Variants in PREP observed in about 807,000 individuals in gnomAD.
PREP encodes the protein prolyl endopeptidase.
Under a neutral mutation model 87.6 loss-of-function variants are expected in PREP, and 29 were observed. The ratio of observed to expected loss-of-function variants is 0.33; its 90% CI spans 0.25 to 0.45. The LOEUF is 0.45. PREP is among the 20% of genes least tolerant of loss of function. PREP has a pLI of 1.00. For missense variants in PREP, 695 were observed against 886.5 expected (o/e 0.78, Z 2.74); for synonymous variants, 337 against 328.6 (o/e 1.03, Z -0.28).
chr6:105,325,390 A>G (rs989563477), intron 9 of PREP, among the ~76,000 whole-genome samples: 2 of 152,220 alleles, frequency 1.3e-5, no homozygotes, highest in South Asian at 4.1e-4. Context: ...GCACCAAAGT[A>G]CTAGAATGCA....
chr6:105,327,190 T>C (rs1377089054), intron 9 of PREP, among the ~76,000 whole-genome samples: 1 of 152,182 alleles, frequency 6.6e-6, no homozygotes, highest in African/African-American at 2.4e-5. Flanking sequence ...CAGTGTAAAT[T>C]TGAGGAAATT....
At chr6:105,372,009 A>T (rs189961750) in intron 5 of PREP, among the ~76,000 whole-genome samples, 50 of 152,348 alleles carry the variant, frequency 3.3e-4, no homozygotes, top group Middle Eastern at 3.4e-3. Flanking sequence ...TAACACAAGC[A>T]GCTAATTTCG....
At chr6:105,355,282 C>G (rs926549912) in intron 6 of PREP, among the ~76,000 whole-genome samples, 35 of 152,096 alleles carry the variant, frequency 2.3e-4, no homozygotes, top group Admixed American at 2.2e-3. Context: ...GACGGAGTTT[C>G]ACCATGTTGG....
At chr6:105,341,535 A>C (rs1395252117) in intron 7 of PREP, among the ~76,000 whole-genome samples, 1 of 152,212 alleles carries the variant, frequency 6.6e-6, no homozygotes, top group East Asian at 1.9e-4. Context: ...AATAATTAAG[A>C]TCAGAGAAGA....
chr6:105,390,204 G>GT (rs1293719020), intron 2 of PREP, among the ~76,000 whole-genome samples: 3 of 152,302 alleles, frequency 2.0e-5, no homozygotes, highest in Admixed American at 6.5e-5. Flanking sequence ...ATCAGCAGGT[G>GT]TAACGGGGTC....
chr6:105,340,223 G>A (rs1771604346), intron 7 of PREP, among the ~76,000 whole-genome samples: 1 of 152,200 alleles, frequency 6.6e-6, no homozygotes, highest in Non-Finnish European at 1.5e-5. Flanking sequence ...CCACAAGAGA[G>A]TGGGGGCCAA....
chr6:105,322,301 G>C, intron 10 of PREP: 1 of 917,346 alleles, frequency 1.1e-6, no homozygotes, highest in Non-Finnish European at 1.3e-6. Context: ...AACGTTGATT[G>C]AAAAAAATAG....
Position 105,397,929 on chromosome 6 carries a change from T to A in PREP, c.46-2A>T. 1 of 1,602,648 alleles carries A rather than the reference T, an allele frequency of 6.2e-7. No homozygotes were observed. Among genetic ancestry groups the A allele is most frequent in the Non-Finnish European group, 8.5e-7 (1 of 1,169,598 alleles). On this transcript the variant is annotated splice_acceptor_variant, in intron 1 of 14. Transcript: ENST00000652536. LOFTEE classifies it high-confidence loss of function. ...TTTATGACCATGATAATCCTGTACC[T>A]GTAAAAAACAAAATGAGGTATTAGA... is the stretch of plus-strand genomic sequence containing the variant.
chr6:105,371,500 C>CAAAAAAAAAAAAAA lies in PREP; in HGVS notation c.595+1855_595+1868dup, dbSNP rs528772896. ...TGGGTGACACAGTGAGATTCCATCT[C>CAAAAAAAAAAAAAA]AAAAAAAAAAAAAAAAAAAAAAAAA... On this transcript the variant is annotated intron_variant, in intron 5 of 14. Transcript: ENST00000652536. Among the ~76,000 whole-genome samples, 4 of 44,804 alleles carry CAAAAAAAAAAAAAA rather than the reference C, an allele frequency of 8.9e-5. 1 individual carries two copies. The highest frequency in any genetic ancestry group is 2.5e-4 in the African/African-American group (4 of 16,038). 29.4% of individuals were successfully genotyped at this position (44,804 alleles called of 152,430 possible). A position where few individuals can be genotyped will look rare whatever the true frequency, so the allele number is the denominator to read the frequency against.
chr6:105,402,457 C>T (rs1583114298), intron 1 of PREP, among the ~76,000 whole-genome samples: 1 of 152,018 alleles, frequency 6.6e-6, no homozygotes, highest in Middle Eastern at 3.4e-3. Context: ...CAAACACACA[C>T]ACACACCCCA....
At chr6:105,324,081 C>G (rs1221924190) in intron 9 of PREP, among the ~76,000 whole-genome samples, 2 of 152,090 alleles carry the variant, frequency 1.3e-5, no homozygotes, top group African/African-American at 4.8e-5. Context: ...GGTGAGAAAC[C>G]TAATTGCAGA....
rs555594026 is a variant in PREP, at chr6:105,385,299, A to G, written c.121-7780T>C. Among the ~76,000 whole-genome samples, 58 of 151,468 alleles carry G rather than the reference A, an allele frequency of 3.8e-4. 1 individual carries two copies. The highest frequency in any genetic ancestry group is 3.4e-3 in the Middle Eastern group (1 of 292). On this transcript the variant is annotated intron_variant, in intron 2 of 14. Transcript: ENST00000652536. Reference sequence around the variant, plus strand: ...GATCTGCTTTAAAAAAAAAAAAAAAAAAAGAAAAAAAGCACATTTAGCCAA... The same window carrying G: ...GATCTGCTTTAAAAAAAAAAAAAAAGAAAGAAAAAAAGCACATTTAGCCAA...
chr6:105,284,153 T>C (rs1770137112), intron 12 of PREP, among the ~76,000 whole-genome samples: 1 of 152,192 alleles, frequency 6.6e-6, no homozygotes, highest in Admixed American at 6.5e-5. Flanking sequence ...GTGTAAACTC[T>C]AATATCAGCT....
At chr6:105,293,160 C>T (rs1482973477) in intron 10 of PREP, among the ~76,000 whole-genome samples, 8 of 152,142 alleles carry the variant, frequency 5.3e-5, no homozygotes, top group Non-Finnish European at 7.3e-5. Flanking sequence ...TGAGACAGAC[C>T]AAAAGCTAGC....
intron 2 of PREP, among the ~76,000 whole-genome samples, chr6:105,381,798 T>C (rs1019837299): frequency 2.0e-5 from 3 of 152,218 alleles, no homozygotes; most frequent in African/African-American, 7.2e-5. Flanking sequence ...TCTAGAGATC[T>C]GCTGTACAAC....
At chr6:105,384,182 C>T (rs1772923565) in intron 2 of PREP, among the ~76,000 whole-genome samples, 1 of 152,108 alleles carries the variant, frequency 6.6e-6, no homozygotes. Flanking sequence ...CACGGCTGGG[C>T]AGGACCTCAA....
intron 2 of PREP, among the ~76,000 whole-genome samples, chr6:105,378,716 T>C (rs938418005): frequency 2.6e-5 from 4 of 152,332 alleles, no homozygotes; most frequent in African/African-American, 7.2e-5. Context: ...AACAAGAACA[T>C]TGTATCAGCT....
At chr6:105,285,464 T>G in intron 12 of PREP, 22 bp downstream of exon 12, 1 of 1,589,784 alleles carries the variant, frequency 6.3e-7, no homozygotes. Flanking sequence ...AGACTTGTGT[T>G]TCTGTAGAGA....
chr6:105,296,908 G>A (rs1770423578), intron 10 of PREP, among the ~76,000 whole-genome samples: 1 of 152,126 alleles, frequency 6.6e-6, no homozygotes, highest in African/African-American at 2.4e-5. Context: ...CTATGCAAAG[G>A]ACCTCCATGT....
Sources: allele counts gnomAD v4.1 joint callset (sites outside exome capture counted in the v4.1 genomes callset), GRCh38; gene constraint gnomAD v4.1.1; transcripts MANE v1.5; gene names NCBI Gene and HGNC (gene_info 2026-07-23, HGNC 2026-07-21).